Variants in MIER2 observed in about 807,000 individuals in gnomAD.
The protein encoded by MIER2 is MIER family member 2.
MIER2 carries 30 observed loss-of-function variants against 67.6 expected under a neutral mutation model. The ratio of observed to expected loss-of-function variants is 0.44; its 90% CI spans 0.33 to 0.60. The LOEUF (loss-of-function observed/expected upper bound fraction) is 0.60. Ranked by LOEUF, MIER2 falls within the 20% of genes least tolerant of loss-of-function variation. The pLI is 0.02. For missense variants in MIER2, 702 were observed against 745.1 expected (o/e 0.94, Z 0.67); for synonymous variants, 372 against 312.6 (o/e 1.19, Z -2.00).
intron 7 of MIER2, among the ~76,000 whole-genome samples, chr19:315,182 T>A (rs546658359): frequency 1.3e-5 from 2 of 152,008 alleles, no homozygotes; most frequent in Non-Finnish European, 2.9e-5. Context: ...CTGGCAAACA[T>A]GGCGAAACCC....
At chr19:317,654 C>T (rs922842633) in intron 7 of MIER2, among the ~76,000 whole-genome samples, 1 of 148,696 alleles carries the variant, frequency 6.7e-6, no homozygotes, top group Admixed American at 6.7e-5. Flanking sequence ...CACTTGAACC[C>T]GGGAGGTGGA....
chr19:310,957 A>G (rs1286979124), intron 10 of MIER2, among the ~76,000 whole-genome samples: 1 of 152,182 alleles, frequency 6.6e-6, no homozygotes, highest in Non-Finnish European at 1.5e-5. Flanking sequence ...CAATCAAAAC[A>G]CCACGTGGTG....
In MIER2 at chr19:336,153, C is replaced by T. The variant is rs768464399; in HGVS notation, c.30G>A (p.Gln10=). Residue 10 remains glutamine, a synonymous_variant, in exon 2 of 14, where the codon CAG becomes CAA. Coordinates refer to ENST00000264819, the MANE Select transcript of MIER2 (RefSeq NM_017550.3). ...CGAGGCAGGAGACCACGCGAGGACT[C>T]TGCCTCCCCAGCGAGGAGGCCTGCG... The part of the protein sequence containing the change: MAEASSLGR[Q]SPRVVSCLEH... The T allele has an allele frequency of 1.9e-6, 3 of 1,613,252 alleles. No homozygotes were observed. Among genetic ancestry groups the T allele is most frequent in the South Asian group, 2.2e-5 (2 of 91,044 alleles).
At chr19:327,504 C>T (rs1971815813) in intron 4 of MIER2, among the ~76,000 whole-genome samples, 1 of 152,244 alleles carries the variant, frequency 6.6e-6, no homozygotes, top group Non-Finnish European at 1.5e-5. Flanking sequence ...GAGTGCATGG[C>T]TCTTTCTCTG....
chr19:337,493 A>C (rs2145548246), intron 1 of MIER2, among the ~76,000 whole-genome samples: 1 of 152,266 alleles, frequency 6.6e-6, no homozygotes, highest in East Asian at 1.9e-4. Flanking sequence ...TGAGCACCAC[A>C]ACGTGTACTC....
At chr19:344,184 G>A (rs1031481688) in intron 1 of MIER2, 13 of 985,306 alleles carry the variant, frequency 1.3e-5, no homozygotes, top group Middle Eastern at 5.2e-4. Context: ...CTAGGCCCCG[G>A]CAGACCCACC....
At chr19:344,626 G>T in intron 1 of MIER2, 148 bp downstream of exon 1, 1 of 397,958 alleles carries the variant, frequency 2.5e-6, no homozygotes, top group Non-Finnish European at 3.5e-6. Context: ...CGCCCCTCCG[G>T]CCCCGGACGG....
chr19:343,664 G>A lies in MIER2; in HGVS notation c.9+1110C>T, dbSNP rs1289897967. 5 of 254,780 alleles carry A rather than the reference G, an allele frequency of 2.0e-5. No individual in the cohort carries two copies. In the East Asian group the frequency reaches 8.8e-4, roughly 45 times the overall value. 15.8% of individuals were successfully genotyped at this position (254,780 alleles called of 1,614,324 possible). On this transcript the variant is annotated intron_variant, in intron 1 of 13. Coordinates refer to ENST00000264819, the MANE Select transcript of MIER2 (RefSeq NM_017550.3). ...GCTTCCCACGAGGCGGCTGTGCCTG[G>A]CTGGGTGGGCACCTTTTCCTTTGGG...
intron 7 of MIER2, among the ~76,000 whole-genome samples, chr19:314,308 T>C (rs897880856): frequency 3.9e-5 from 6 of 152,080 alleles, no homozygotes; most frequent in African/African-American, 1.4e-4. Flanking sequence ...CGACCTCAGA[T>C]GCAATTGGCT....
chr19:326,393 A>C, intron 6 of MIER2, 114 bp downstream of exon 6: 2 of 897,374 alleles, frequency 2.2e-6, no homozygotes, highest in East Asian at 2.5e-5. Context: ...CGGCAGAGCC[A>C]CGGCCGGGAT....
In MIER2 at chr19:334,383, T is replaced by A. The variant is rs1972146943; in HGVS notation, c.243+17A>T. On this transcript the variant is annotated intron_variant, in intron 3 of 13. Transcript: ENST00000264819. The stretch of plus-strand genomic sequence containing the variant: ...GGCTCCACCCAACACAGGGGCAGGA[T>A]CACCTTGGCCAAGTACCTGGGAGAT... 1 of 1,613,690 alleles carries A rather than the reference T, an allele frequency of 6.2e-7. No individual in the cohort carries two copies.
At chr19:333,934 C>T (rs899132508) in intron 3 of MIER2, among the ~76,000 whole-genome samples, 8 of 152,094 alleles carry the variant, frequency 5.3e-5, no homozygotes, top group African/African-American at 1.4e-4. Context: ...CCTTGTGATC[C>T]GCGCACCTCG....
rs917396256 is a variant in MIER2, at chr19:306,597, G to C, written c.*93C>G. On this transcript the variant is annotated 3_prime_UTR_variant, in exon 14 of 14. Transcript: ENST00000264819. ...AAGGAGGTGCTACCCCAAGGCCCGG[G>C]GGGTGGGGAAGGGGTCAGGAAGACT... 5 of 1,509,032 alleles carry C rather than the reference G, an allele frequency of 3.3e-6. No homozygotes were observed. The South Asian group carries it at 3.6e-5, about 11-fold the overall frequency. 93.5% of individuals were successfully genotyped at this position (1,509,032 alleles called of 1,614,324 possible).
chr19:307,279 G>A lies in MIER2; in HGVS notation c.1456C>T (p.His486Tyr), dbSNP rs1970694418. 1.3e-6 allele frequency: 2 copies of A among 1,599,516 alleles called. No individual in the cohort carries two copies. Among genetic ancestry groups the A allele is most frequent in the South Asian group, 1.1e-5 (1 of 88,606 alleles). The change falls in exon 13 of 14, where the codon CAT becomes TAT. Residue 486 changes from histidine (H) to tyrosine (Y), a missense_variant. This residue lies in a region of MIER2 where 254 missense variants were observed against 262.8 expected (regional missense o/e 0.97). Transcript: ENST00000264819. ...TCCGGATCCCCGCTGAGGTCCACAT[G>A]GCTGGAGATGAGGGGCAGCTCCTTG... is the stretch of plus-strand genomic sequence containing the variant. ...LPKELPLISS[H>Y]VDLSGDPEET...
intron 8 of MIER2, 64 bp from the exon 9 acceptor site, chr19:312,336 T>C: frequency 1.3e-6 from 2 of 1,531,618 alleles, no homozygotes; most frequent in Non-Finnish European, 1.8e-6. Context: ...AAGAACTGTC[T>C]ATACCATCCA....
Position 334,293 on chromosome 19 carries a change from G to A in MIER2, c.243+107C>T, listed in dbSNP as rs1972143371. On this transcript the variant is annotated intron_variant, in intron 3 of 13. Transcript: ENST00000264819. ...AGCATCTGGCACTTTGCAAAAAGATGTACAATTTAGCACTTACCAATGTGG... is the reference window on the plus strand; with the variant it reads ...AGCATCTGGCACTTTGCAAAAAGATATACAATTTAGCACTTACCAATGTGG... 26 of 1,483,694 alleles carry A rather than the reference G, an allele frequency of 1.8e-5. No homozygotes were observed. In the South Asian group the frequency reaches 3.3e-4, roughly 19 times the overall value. The allele number at this position is 1,483,694 out of a possible 1,614,324, so 91.9% of individuals were successfully genotyped here.
At chr19:340,527 G>C (rs959959967) in intron 1 of MIER2, 3 of 152,342 alleles carry the variant, frequency 2.0e-5, no homozygotes, top group African/African-American at 7.2e-5. Context: ...TCATTAAGTG[G>C]AAGTGGATCA....
chr19:331,775 G>T (rs1332218723), intron 3 of MIER2, among the ~76,000 whole-genome samples: 1 of 152,112 alleles, frequency 6.6e-6, no homozygotes, highest in East Asian at 1.9e-4. Flanking sequence ...AAGGTCAAGA[G>T]TTTGAGACCA....
chr19:313,903 T>C (rs1023710151), intron 7 of MIER2, among the ~76,000 whole-genome samples: 1 of 152,110 alleles, frequency 6.6e-6, no homozygotes, highest in African/African-American at 2.4e-5. Context: ...CAGGGAGCCA[T>C]GAGCAGTCAG....
Sources: allele counts gnomAD v4.1 joint callset (sites outside exome capture counted in the v4.1 genomes callset), GRCh38; gene constraint gnomAD v4.1.1; regional missense constraint gnomAD v4.1.1; transcripts MANE v1.5; gene names NCBI Gene and HGNC (gene_info 2026-07-23, HGNC 2026-07-21).